The following TAF1D variants were observed in gnomAD, a reference collection of about 807,000 sequenced individuals.
The protein encoded by TAF1D is TATA box-binding protein-associated factor RNA polymerase I subunit D.
Under a neutral mutation model 26.2 loss-of-function variants are expected in TAF1D, and 23 were observed. That is an observed-to-expected ratio of 0.88 (90% CI 0.63 to 1.25). TAF1D has a LOEUF of 1.25. Ranked by LOEUF, TAF1D falls within the 50% of genes most tolerant of loss-of-function variation. TAF1D has a pLI of 0.00. For missense variants in TAF1D, 299 were observed against 322.0 expected (o/e 0.93, Z 0.55); for synonymous variants, 100 against 105.6 (o/e 0.95, Z 0.33).
intron 1 of TAF1D, among the ~76,000 whole-genome samples, chr11:93,740,997 C>A (rs2135548584): frequency 6.6e-6 from 1 of 152,334 alleles, no homozygotes; most frequent in South Asian, 2.1e-4. Context: ...GCCTAACCTG[C>A]AGAAAACCGG....
chr11:93,739,598 A>G (rs1941388152), intron 1 of TAF1D, among the ~76,000 whole-genome samples: 1 of 152,222 alleles, frequency 6.6e-6, no homozygotes, highest in Non-Finnish European at 1.5e-5. Flanking sequence ...GCATCTTTCA[A>G]TATAAGTAAA....
chr11:93,735,007 T>TC (rs1441390928), downstream of TAF1D: 4 of 1,206,486 alleles, frequency 3.3e-6, no homozygotes, highest in South Asian at 5.9e-5. Flanking sequence ...CAAGCAATAC[T>TC]CCCACCTTGG....
intron 1 of TAF1D, among the ~76,000 whole-genome samples, chr11:93,739,961 CAAAA>C (rs67574108): frequency 0.015 from 1,195 of 82,396 alleles, 8 homozygotes; most frequent in Middle Eastern, 0.02. Context: ...TACAACATAC[CAAAA>C]AAAAAAAAAA....
At chr11:93,736,884 T>TA in intron 4 of TAF1D, 133 bp from the exon 5 acceptor site, 1 of 1,174,670 alleles carries the variant, frequency 8.5e-7, no homozygotes, top group Non-Finnish European at 1.2e-6. Flanking sequence ...TTTTGTGTTC[T>TA]GGAGAATTCT....
rs920855309 is a variant in TAF1D at position 93,736,025 on chromosome 11, T to A, written c.*136A>T. The A allele has an allele frequency of 1.5e-5, 22 of 1,423,158 alleles. No individual in the cohort carries two copies. Among genetic ancestry groups the A allele is most frequent in the Admixed American group, 3.0e-5 (1 of 33,420 alleles). The allele number at this position is 1,423,158 out of a possible 1,614,324, so 88.2% of individuals were successfully genotyped here. On this transcript the variant is annotated 3_prime_UTR_variant, in exon 6 of 6. Coordinates refer to ENST00000448108, the MANE Select transcript of TAF1D (RefSeq NM_024116.4). Reference sequence around the variant, plus strand: ...ACAAACTTCTTCACAGGGTTAAAAATTTTTTTTCTTGTTATAAAGTTCTGG... The same window carrying A: ...ACAAACTTCTTCACAGGGTTAAAAAATTTTTTTCTTGTTATAAAGTTCTGG...
At chr11:93,730,287 A>G in exon 12 of TAF1D, 1 of 1,517,696 alleles carries the variant, frequency 6.6e-7, no homozygotes, top group Non-Finnish European at 8.9e-7. Flanking sequence ...GAAATAGTGT[A>G]AAGGTTTTTT....
intron 2 of TAF1D, 56 bp from the exon 3 acceptor site, chr11:93,738,555 T>A: frequency 6.8e-7 from 1 of 1,470,874 alleles, no homozygotes; most frequent in African/African-American, 1.4e-5. Context: ...CTTATTACCA[T>A]TAATACCCAG....
At chr11:93,740,885 T>C (rs909036487) in intron 1 of TAF1D, among the ~76,000 whole-genome samples, 1 of 152,208 alleles carries the variant, frequency 6.6e-6, no homozygotes, top group African/African-American at 2.4e-5. Context: ...TGGGTGTCGA[T>C]GCCTCCGTGG....
At chr11:93,739,976 A>G (rs1490718080) in intron 1 of TAF1D, among the ~76,000 whole-genome samples, 1 of 150,422 alleles carries the variant, frequency 6.6e-6, no homozygotes, top group African/African-American at 2.4e-5. Flanking sequence ...AAAAAAAAAA[A>G]AAAAAAGAAA....
Position 93,735,685 on chromosome 11 carries a change from A to C in TAF1D, c.*476T>G. 1 of 1,007,182 alleles carries C rather than the reference A, an allele frequency of 9.9e-7. No individual in the cohort carries two copies. Among genetic ancestry groups the C allele is most frequent in the Non-Finnish European group, 1.2e-6 (1 of 843,436 alleles). The allele number at this position is 1,007,182 out of a possible 1,614,324, so 62.4% of individuals were successfully genotyped here. A position where few individuals can be genotyped will look rare whatever the true frequency, so the allele number is the denominator to read the frequency against. ...CTCTGTCTAAAAAAAATAGTATTAA[A>C]GATACTCTAAATTTGGAAAGGGAAA... is the stretch of plus-strand genomic sequence containing the variant. On this transcript the variant is annotated 3_prime_UTR_variant, in exon 6 of 6. Transcript: ENST00000448108.
downstream of TAF1D, chr11:93,732,920 A>G (rs1468269372): frequency 3.7e-6 from 1 of 268,594 alleles, no homozygotes; most frequent in Non-Finnish European, 7.4e-6. Flanking sequence ...TTTGGTAGGT[A>G]TAGACATGCA....
intron 4 of TAF1D, 71 bp downstream of exon 4, chr11:93,736,993 A>G: frequency 7.5e-7 from 1 of 1,339,858 alleles, no homozygotes. Flanking sequence ...TTAAAGGCAA[A>G]ATATGAAGCA....
At chr11:93,737,519 A>G (rs1941048268) in intron 3 of TAF1D, among the ~76,000 whole-genome samples, 1 of 152,196 alleles carries the variant, frequency 6.6e-6, no homozygotes, top group Admixed American at 6.5e-5. Context: ...AAGATTTCTA[A>G]TGTTTACTAT....
At chr11:93,732,353 TAC>T, downstream of TAF1D, 1 of 517,906 alleles carries the variant, frequency 1.9e-6, no homozygotes. Flanking sequence ...CTGAGAAACC[TAC>T]ACAAATACTG....
chr11:93,732,850 T>C (rs1287189539), downstream of TAF1D: 1 of 234,668 alleles, frequency 4.3e-6, no homozygotes, highest in Non-Finnish European at 8.6e-6. Context: ...TACGTGACTT[T>C]AGGATGAAAT....
In TAF1D at chr11:93,736,785, A is replaced by C. The variant is rs1940889717; in HGVS notation, c.636-34T>G. 4.4e-6 allele frequency: 7 copies of C among 1,584,642 alleles called. No individual in the cohort carries two copies. The East Asian group carries it at 1.6e-4, about 36-fold the overall frequency. On this transcript the variant is annotated intron_variant, in intron 4 of 5. Coordinates refer to ENST00000448108, the MANE Select transcript of TAF1D (RefSeq NM_024116.4). ...TTAAAATTTATCATCGAGATGACAG[A>C]ATCTTCGATGACCTAATTAGTTGTA...
chr11:93,733,445 C>T (rs571527372), downstream of TAF1D: 68 of 518,326 alleles, frequency 1.3e-4, 1 homozygote, highest in Middle Eastern at 2.4e-3. Flanking sequence ...GTTTAGCAAC[C>T]GTCTTTTTCA....
chr11:93,730,595 G>C, downstream of TAF1D: 1 of 589,390 alleles, frequency 1.7e-6, no homozygotes, highest in Non-Finnish European at 3.2e-6. Context: ...TTTGGTCACA[G>C]CGTTAAGAGC....
At chr11:93,732,174 G>A (rs762994043), downstream of TAF1D, 2 of 509,682 alleles carry the variant, frequency 3.9e-6, no homozygotes, top group Middle Eastern at 3.2e-4. Flanking sequence ...TTTGTACGAA[G>A]TTCTTGTTAT....
Sources: allele counts gnomAD v4.1 joint callset (sites outside exome capture counted in the v4.1 genomes callset), GRCh38; gene constraint gnomAD v4.1.1; transcripts MANE v1.5; gene names NCBI Gene and HGNC (gene_info 2026-07-23, HGNC 2026-07-21).